Variants in ASPH observed in about 807,000 individuals in gnomAD.
ASPH encodes the protein aspartyl/asparaginyl beta-hydroxylase.
A neutral mutation model predicts 118.4 loss-of-function variants in ASPH; 100 were observed. The ratio of observed to expected loss-of-function variants is 0.84; its 90% confidence interval spans 0.72 to 1.00. The LOEUF is 1.00. ASPH is among the 50% of genes least tolerant of loss of function. The pLI is 0.00. For missense variants in ASPH, 920 were observed against 919.5 expected (o/e 1.00, Z -0.01); for synonymous variants, 315 against 325.6 (o/e 0.97, Z 0.35).
chr8:61,612,585 T>A (rs1847789367), intron 14 of ASPH, among the ~76,000 whole-genome samples: 1 of 152,126 alleles, frequency 6.6e-6, no homozygotes, highest in Non-Finnish European at 1.5e-5. Flanking sequence ...TTGGCCAGGC[T>A]GGTCTTGAAC....
chr8:61,611,085 C>T (rs1249978377), intron 14 of ASPH, among the ~76,000 whole-genome samples: 1 of 152,204 alleles, frequency 6.6e-6, no homozygotes, highest in Non-Finnish European at 1.5e-5. Context: ...CCAAAGCATC[C>T]CTGGCTGACT....
chr8:61,679,964 AACACC>A (rs1333390911), intron 3 of ASPH, among the ~76,000 whole-genome samples: 5 of 135,166 alleles, frequency 3.7e-5, no homozygotes, highest in African/African-American at 1.2e-4. Context: ...AAAAACAAAA[AACACC>A]AACACAGGTC....
chr8:61,620,285 G>C (rs899756603), intron 13 of ASPH, among the ~76,000 whole-genome samples: 1 of 152,132 alleles, frequency 6.6e-6, no homozygotes, highest in Non-Finnish European at 1.5e-5. Context: ...GGAGAAAATA[G>C]ATGGCTGAGA....
intron 15 of ASPH, among the ~76,000 whole-genome samples, chr8:61,577,539 A>G (rs912152599): frequency 1.3e-5 from 2 of 152,098 alleles, no homozygotes; most frequent in Non-Finnish European, 2.9e-5. Context: ...CTGTTTTCAC[A>G]CTGCTATAAA....
intron 3 of ASPH, chr8:61,675,273 T>C: frequency 1.1e-6 from 1 of 895,348 alleles, no homozygotes; most frequent in Non-Finnish European, 1.3e-6. Flanking sequence ...GGATGAATAA[T>C]TTTAATATGT....
At chr8:61,667,500 G>A (rs542891150) in intron 3 of ASPH, among the ~76,000 whole-genome samples, 7 of 152,200 alleles carry the variant, frequency 4.6e-5, no homozygotes, top group African/African-American at 1.7e-4. Flanking sequence ...CTGAGTAGGT[G>A]GGATTACAGG....
chr8:61,710,022 C>T (rs1261591341), intron 1 of ASPH, among the ~76,000 whole-genome samples: 4 of 151,302 alleles, frequency 2.6e-5, no homozygotes, highest in Non-Finnish European at 5.9e-5. Flanking sequence ...AAAGTCAAAG[C>T]ATGCAATGGC....
At chr8:61,583,021 C>T (rs1838072182) in intron 15 of ASPH, 1 of 151,990 alleles carries the variant, frequency 6.6e-6, no homozygotes, top group Admixed American at 6.6e-5. Flanking sequence ...TTATTGTTCT[C>T]AAAATTGTAA....
At chr8:61,580,313 G>A (rs778645196) in intron 15 of ASPH, among the ~76,000 whole-genome samples, 24 of 152,160 alleles carry the variant, frequency 1.6e-4, no homozygotes, top group South Asian at 4.1e-4. Context: ...TCCCTTCTAC[G>A]CTGCCCTAGC....
At chr8:61,588,813 T>C (rs1422077295) in intron 14 of ASPH, among the ~76,000 whole-genome samples, 2 of 152,170 alleles carry the variant, frequency 1.3e-5, no homozygotes, top group African/African-American at 4.8e-5. Flanking sequence ...ACACAAAGAC[T>C]TGCATGCAAA....
At chr8:61,612,160 G>A (rs1847594205) in intron 14 of ASPH, among the ~76,000 whole-genome samples, 2 of 151,942 alleles carry the variant, frequency 1.3e-5, no homozygotes, top group Non-Finnish European at 2.9e-5. Context: ...GTATTAATGA[G>A]TAAACAGACA....
intron 3 of ASPH, chr8:61,663,704 C>G (rs1399648095): frequency 1.0e-6 from 1 of 978,180 alleles, no homozygotes; most frequent in Non-Finnish European, 1.2e-6. Flanking sequence ...GTTACAATAT[C>G]TTCAGGCCTT....
intron 3 of ASPH, chr8:61,661,701 G>A (rs1816998055): frequency 9.2e-6 from 3 of 327,764 alleles, no homozygotes; most frequent in Non-Finnish European, 1.7e-5. Flanking sequence ...GTGTCTATGG[G>A]GAATCTTTAT....
At chr8:61,650,156 G>C (rs1021418237) in intron 5 of ASPH, among the ~76,000 whole-genome samples, 3 of 152,082 alleles carry the variant, frequency 2.0e-5, no homozygotes, top group African/African-American at 7.2e-5. Flanking sequence ...TTAAGTTAAA[G>C]TTGGGGTGCC....
chr8:61,674,469 A>G (rs2350918), intron 3 of ASPH, among the ~76,000 whole-genome samples: 127,128 of 152,210 alleles, frequency 0.84, 53,244 homozygotes, highest in African/African-American at 0.88. Flanking sequence ...CCATTAGTGC[A>G]GGCAAGACAA....
At chr8:61,711,176 T>C (rs1837975237) in intron 1 of ASPH, among the ~76,000 whole-genome samples, 1 of 152,092 alleles carries the variant, frequency 6.6e-6, no homozygotes, top group East Asian at 1.9e-4. Context: ...GTTAATGTAG[T>C]AGCAGGACAC....
chr8:61,712,685 T>A (rs1350874330), intron 1 of ASPH, among the ~76,000 whole-genome samples: 5 of 152,204 alleles, frequency 3.3e-5, no homozygotes, highest in Non-Finnish European at 5.9e-5. Flanking sequence ...TAAACCTATC[T>A]CTTGCCTGTT....
At chr8:61,638,961 A>G (rs1859191325) in intron 10 of ASPH, among the ~76,000 whole-genome samples, 1 of 152,156 alleles carries the variant, frequency 6.6e-6, no homozygotes, top group African/African-American at 2.4e-5. Context: ...GGCACACTAC[A>G]AGAAAACATC....
At chr8:61,679,963 AAACACC>A (rs1258613466) in intron 3 of ASPH, among the ~76,000 whole-genome samples, 8 of 148,354 alleles carry the variant, frequency 5.4e-5, no homozygotes, top group African/African-American at 1.7e-4. Context: ...AAAAAACAAA[AAACACC>A]AACACAGGTC....
Sources: gnomAD v4.1 joint callset for allele counts (sites outside exome capture counted in the v4.1 genomes callset) on GRCh38, gnomAD v4.1.1 for gene constraint, MANE v1.5 for transcripts, NCBI Gene and HGNC (gene_info 2026-07-23, HGNC 2026-07-21) for gene names.